The following ZMYND11 variants were observed in gnomAD, a reference collection of about 807,000 sequenced individuals.
ZMYND11 encodes the protein zinc finger MYND-type containing 11, also known as zinc finger MYND domain-containing protein 11.
In ZMYND11, 9 loss-of-function variants were observed where a neutral mutation model predicts 84.9. The observed-to-expected ratio is 0.11, with a 90% CI of 0.06 to 0.18. ZMYND11 has a LOEUF of 0.18. Ranked by LOEUF, ZMYND11 falls within the 10% of genes least tolerant of loss-of-function variation. ZMYND11 has a pLI of 1.00. For missense variants in ZMYND11, 409 were observed against 761.0 expected, an observed-to-expected ratio of 0.54 and a Z score of 5.44; for synonymous variants, 250 against 244.1, an observed-to-expected ratio of 1.02 and a Z score of -0.23.
chr10:202,201 G>C lies in ZMYND11; in HGVS notation c.117-7688G>C, dbSNP rs568112476. 9.5e-4 allele frequency among the ~76,000 whole-genome samples: 145 copies of C among 152,032 alleles called. 1 individual carries two copies. Among genetic ancestry groups the C allele is most frequent in the African/African-American group, 3.2e-3 (132 of 41,480 alleles). On this transcript the variant is annotated intron_variant, in intron 2 of 14. Transcript: ENST00000381604. ...TCTTAAGCCTTATCAAATATATTTG[G>C]CCTGTAATACGCAGTAGGATCACAG...
chr10:214,802 C>A (rs1407725468), intron 3 of ZMYND11, among the ~76,000 whole-genome samples: 1 of 152,184 alleles, frequency 6.6e-6, no homozygotes, highest in Non-Finnish European at 1.5e-5. Context: ...ATTTCACCAC[C>A]TTTATTCTTA....
Position 249,157 on chromosome 10 carries a change from G to A in ZMYND11, c.1686+69G>A, listed in dbSNP as rs373189516. Reference sequence around the variant, plus strand: ...CACAGGTATGATGCCCGTTAATTCAGAAGGTAGCTGTGGCACATGCAGAAG... The same window carrying A: ...CACAGGTATGATGCCCGTTAATTCAAAAGGTAGCTGTGGCACATGCAGAAG... On this transcript the variant is annotated intron_variant, in intron 14 of 14. Transcript: ENST00000381604. 172 of 1,600,742 alleles carry A rather than the reference G, an allele frequency of 1.1e-4. 2 individuals carry two copies. The African/African-American group carries it at 2.0e-3, about 19-fold the overall frequency.
At position 221,322 on chromosome 10, in the gene ZMYND11, A is replaced by G; in HGVS notation, c.404A>G (p.Asp135Gly). Residue 135 changes from aspartate (D) to glycine (G), a missense_variant, in exon 4 of 15, where the codon GAC (aspartate) becomes GGC (glycine). Asp to Gly is a moderately conservative substitution (Grantham distance 94, BLOSUM62 -1). Transcript: ENST00000381604. Reference sequence around the variant, plus strand: ...TTGTCTGATGAGTTCAGGCTTAGAGACAGCAGTAGTCCCTGGCAGTGCCCA... The same window carrying G: ...TTGTCTGATGAGTTCAGGCTTAGAGGCAGCAGTAGTCCCTGGCAGTGCCCA... ...KCLSDEFRLR[D>G]SSSPWQCPVC... The G allele has an allele frequency of 1.9e-6, 3 of 1,613,836 alleles. No homozygotes were observed. The highest frequency in any genetic ancestry group is 2.5e-6 in the Non-Finnish European group (3 of 1,179,840).
intron 1 of ZMYND11, among the ~76,000 whole-genome samples, chr10:143,696 A>G (rs1838008003): frequency 6.6e-6 from 1 of 152,252 alleles, no homozygotes; most frequent in African/African-American, 2.4e-5. Context: ...TTGTATGTTT[A>G]GAAATATCAA....
At chr10:175,213 G>T (rs1410095782) in intron 1 of ZMYND11, among the ~76,000 whole-genome samples, 3 of 152,194 alleles carry the variant, frequency 2.0e-5, no homozygotes, top group Admixed American at 6.5e-5. Context: ...TGGGGCCAGG[G>T]AGTATGTGGG....
chr10:150,803 C>T (rs1041507314), intron 1 of ZMYND11, among the ~76,000 whole-genome samples: 4 of 152,232 alleles, frequency 2.6e-5, no homozygotes, highest in Non-Finnish European at 5.9e-5. Flanking sequence ...GGGTCCCTAA[C>T]TCCCAAGTAG....
At chr10:207,608 C>G (rs145300417) in intron 2 of ZMYND11, among the ~76,000 whole-genome samples, 3,076 of 152,192 alleles carry the variant, frequency 0.02, 100 homozygotes, top group African/African-American at 0.07. Flanking sequence ...AGGACCTCTT[C>G]AAGGAGAACT....
chr10:227,805 A>G (rs1948380468), intron 4 of ZMYND11, among the ~76,000 whole-genome samples: 1 of 152,236 alleles, frequency 6.6e-6, no homozygotes, highest in Non-Finnish European at 1.5e-5. Flanking sequence ...TGGGAAATTT[A>G]TTAATATTTT....
At chr10:145,388 CT>C (rs1316876389) in intron 1 of ZMYND11, among the ~76,000 whole-genome samples, 2 of 151,988 alleles carry the variant, frequency 1.3e-5, no homozygotes, top group East Asian at 3.9e-4. Flanking sequence ...GATGTAATGA[CT>C]TCTTTTCCTG....
intron 2 of ZMYND11, among the ~76,000 whole-genome samples, chr10:186,299 C>T (rs1197415893): frequency 6.6e-6 from 1 of 151,756 alleles, no homozygotes; most frequent in South Asian, 2.1e-4. Flanking sequence ...GTGTGAGCCA[C>T]CGCGCCAGGC....
chr10:234,016 A>G (rs1257123726), intron 4 of ZMYND11, among the ~76,000 whole-genome samples: 1 of 152,244 alleles, frequency 6.6e-6, no homozygotes, highest in African/African-American at 2.4e-5. Flanking sequence ...AAACTGGGTA[A>G]TTACATGAAC....
In ZMYND11 at chr10:249,097, C is replaced by T. The variant is rs756779068; in HGVS notation, c.1686+9C>T. On this transcript the variant is annotated intron_variant, in intron 14 of 14. Coordinates refer to ENST00000381604, the MANE Select transcript of ZMYND11 (RefSeq NM_001370100.5). ...CCAAGAAGAAGCAGTGGGTAAATAC[C>T]AGTCTTTTTTAGACCCTTATTTCTG... 7 of 1,613,950 alleles carry T rather than the reference C, an allele frequency of 4.3e-6. No individual in the cohort carries two copies. Among genetic ancestry groups the T allele is most frequent in the South Asian group, 3.3e-5 (3 of 91,070 alleles).
At chr10:228,647 A>T (rs1298511804) in intron 4 of ZMYND11, among the ~76,000 whole-genome samples, 1 of 152,172 alleles carries the variant, frequency 6.6e-6, no homozygotes, top group Non-Finnish European at 1.5e-5. Context: ...GACACATTTA[A>T]GTTATTTTCT....
At chr10:231,588 C>G (rs186003042) in intron 4 of ZMYND11, among the ~76,000 whole-genome samples, 244 of 152,286 alleles carry the variant, frequency 1.6e-3, no homozygotes, top group African/African-American at 5.0e-3. Flanking sequence ...GCATCATTAT[C>G]AATAATCAGC....
At chr10:188,142 A>AT (rs1422461552) in intron 2 of ZMYND11, among the ~76,000 whole-genome samples, 13 of 152,180 alleles carry the variant, frequency 8.5e-5, no homozygotes, top group Non-Finnish European at 1.8e-4. Flanking sequence ...TTTGAAAGTT[A>AT]TTTAACAGTA....
At chr10:197,195 G>A (rs1436069616) in intron 2 of ZMYND11, among the ~76,000 whole-genome samples, 1 of 148,530 alleles carries the variant, frequency 6.7e-6, no homozygotes, top group African/African-American at 2.5e-5. Flanking sequence ...TTTAGTTCAC[G>A]TGTGTGCCCA....
intron 1 of ZMYND11, among the ~76,000 whole-genome samples, chr10:141,590 C>T (rs577277845): frequency 6.6e-6 from 1 of 152,272 alleles, no homozygotes; most frequent in Admixed American, 6.5e-5. Context: ...TGAGATTTTA[C>T]TATATTAACA....
At chr10:215,070 G>C (rs1195412404) in intron 3 of ZMYND11, among the ~76,000 whole-genome samples, 1 of 152,184 alleles carries the variant, frequency 6.6e-6, no homozygotes, top group Non-Finnish European at 1.5e-5. Context: ...GGCGGTTAGT[G>C]TTAATTTGGT....
rs183833550 is a variant in ZMYND11 at position 252,053 on chromosome 10, G to C, written c.1687-295G>C. On this transcript the variant is annotated intron_variant, in intron 14 of 14. Transcript: ENST00000381604. This position sits in a 1 kb window ranked among gnomAD's most constrained non-coding sequence, Gnocchi z 4.6. Reference sequence around the variant, plus strand: ...ATGCAAGTGGTAGCTGGAAAGGGATGTGAAGTCAAGAGCATTTTAAGAAAA... The same window carrying C: ...ATGCAAGTGGTAGCTGGAAAGGGATCTGAAGTCAAGAGCATTTTAAGAAAA... Among the ~76,000 whole-genome samples, 580 of 152,280 alleles carry C rather than the reference G, an allele frequency of 3.8e-3. 4 individuals carry two copies. The highest frequency in any genetic ancestry group is 5.4e-3 in the Non-Finnish European group (364 of 68,034).
Sources: allele counts gnomAD v4.1 joint callset (sites outside exome capture counted in the v4.1 genomes callset), GRCh38; gene constraint gnomAD v4.1.1; non-coding constraint Gnocchi (gnomAD v3.1); transcripts MANE v1.5; gene names NCBI Gene and HGNC (gene_info 2026-07-23, HGNC 2026-07-21).